The following SUMF1 variants were observed in gnomAD, a reference collection of about 807,000 sequenced individuals.
The protein encoded by SUMF1 is formylglycine-generating enzyme.
In SUMF1, 48 loss-of-function variants were observed where a neutral mutation model predicts 47.6. That is an observed-to-expected ratio of 1.01 (90% confidence interval 0.80 to 1.28). The LOEUF (loss-of-function observed/expected upper bound fraction) is 1.28. Ranked by LOEUF, SUMF1 falls within the 50% of genes most tolerant of loss-of-function variation. The pLI is 0.00. For synonymous variants in SUMF1, 230 were observed against 192.1 expected (o/e 1.20, Z -1.63); for missense variants, 571 against 485.4 (o/e 1.18, Z -1.66).
intron 8 of SUMF1, among the ~76,000 whole-genome samples, chr3:4,257,985 A>C (rs1294972579): frequency 6.6e-6 from 1 of 152,138 alleles, no homozygotes; most frequent in Non-Finnish European, 1.5e-5. Context: ...GATCTTTGAC[A>C]AACCTGACAA....
intron 8 of SUMF1, chr3:4,316,262 C>T (rs1224420743): frequency 1.2e-6 from 1 of 820,142 alleles, no homozygotes; most frequent in Admixed American, 2.0e-5. Flanking sequence ...TTTTCTTATT[C>T]GAGTTCAAAA....
intron 9 of SUMF1, among the ~76,000 whole-genome samples, chr3:4,044,231 G>T (rs966941432): frequency 6.6e-6 from 1 of 152,146 alleles, no homozygotes; most frequent in Non-Finnish European, 1.5e-5. Context: ...GGATTTCTGA[G>T]ACCCTTCCTC....
chr3:4,316,046 C>CAAAA (rs774059331), intron 8 of SUMF1, among the ~76,000 whole-genome samples: 3 of 76,882 alleles, frequency 3.9e-5, no homozygotes, highest in African/African-American at 4.4e-5. Flanking sequence ...GACTCTGTCT[C>CAAAA]AAAAAAAAAA....
chr3:4,380,897 G>A (rs1700483143), intron 7 of SUMF1, among the ~76,000 whole-genome samples: 1 of 152,172 alleles, frequency 6.6e-6, no homozygotes, highest in Non-Finnish European at 1.5e-5. Context: ...AAACACCTGG[G>A]AGGGCATGTA....
intron 8 of SUMF1, among the ~76,000 whole-genome samples, chr3:4,102,248 G>A (rs780594161): frequency 4.6e-5 from 7 of 152,162 alleles, no homozygotes; most frequent in Non-Finnish European, 8.8e-5. Context: ...GATTCTGAAA[G>A]ACCAGGAGGT....
At chr3:4,406,273 A>T (rs1701372759) in intron 7 of SUMF1, among the ~76,000 whole-genome samples, 1 of 152,240 alleles carries the variant, frequency 6.6e-6, no homozygotes, top group Non-Finnish European at 1.5e-5. Context: ...AAGGAAACTG[A>T]AGATATATTC....
chr3:4,161,232 C>T (rs1694569217), intron 8 of SUMF1, among the ~76,000 whole-genome samples: 1 of 152,166 alleles, frequency 6.6e-6, no homozygotes, highest in Non-Finnish European at 1.5e-5. Flanking sequence ...GTGACACAAG[C>T]ACCCCTGTGG....
chr3:4,065,501 T>C (rs1399443186), intron 9 of SUMF1, among the ~76,000 whole-genome samples: 3 of 152,178 alleles, frequency 2.0e-5, no homozygotes, highest in Non-Finnish European at 4.4e-5. Flanking sequence ...AATAATACTT[T>C]TAAGGTTCAG....
intron 8 of SUMF1, among the ~76,000 whole-genome samples, chr3:4,295,958 GAA>G (rs1162404466): frequency 6.6e-6 from 1 of 151,998 alleles, no homozygotes; most frequent in Non-Finnish European, 1.5e-5. Flanking sequence ...TTATTCTGCT[GAA>G]AACATATTTA....
At chr3:4,410,739 G>A (rs1460659253) in intron 7 of SUMF1, 126 bp downstream of exon 7, 2 of 865,988 alleles carry the variant, frequency 2.3e-6, no homozygotes, top group Non-Finnish European at 3.9e-6. Flanking sequence ...GTGCCTTTAG[G>A]GAAATCCCAA....
At chr3:4,243,954 CAT>C (rs1459987654) in intron 8 of SUMF1, among the ~76,000 whole-genome samples, 1 of 152,142 alleles carries the variant, frequency 6.6e-6, no homozygotes, top group African/African-American at 2.4e-5. Flanking sequence ...GTATTGGGTG[CAT>C]ATATATTTAG....
chr3:4,180,794 A>C (rs951279625), intron 8 of SUMF1, among the ~76,000 whole-genome samples: 2 of 150,500 alleles, frequency 1.3e-5, no homozygotes, highest in African/African-American at 4.9e-5. Context: ...TTGAGGTTAC[A>C]GTGAGCTGAG....
chr3:4,267,958 T>A (rs1697229913), intron 8 of SUMF1, among the ~76,000 whole-genome samples: 1 of 149,388 alleles, frequency 6.7e-6, no homozygotes, highest in Admixed American at 6.7e-5. Context: ...GTGGCACTAT[T>A]CACAATAGCA....
At chr3:4,076,121 T>C (rs576948418) in intron 8 of SUMF1, among the ~76,000 whole-genome samples, 2 of 152,240 alleles carry the variant, frequency 1.3e-5, no homozygotes, top group South Asian at 4.2e-4. Flanking sequence ...CAAAACAGCA[T>C]GGTACTGGTA....
chr3:4,058,253 A>G (rs1373459175), intron 9 of SUMF1, among the ~76,000 whole-genome samples: 1 of 152,168 alleles, frequency 6.6e-6, no homozygotes, highest in Non-Finnish European at 1.5e-5. Context: ...GCAGGTATAT[A>G]CACATATATT....
At chr3:4,465,846 G>T (rs182650579) in intron 1 of SUMF1, among the ~76,000 whole-genome samples, 1 of 152,170 alleles carries the variant, frequency 6.6e-6, no homozygotes, top group Non-Finnish European at 1.5e-5. Flanking sequence ...ACTGAGGCAG[G>T]ATACGGAAAT....
At chr3:4,348,382 C>T (rs1699416418) in intron 8 of SUMF1, among the ~76,000 whole-genome samples, 1 of 152,152 alleles carries the variant, frequency 6.6e-6, no homozygotes, top group Non-Finnish European at 1.5e-5. Flanking sequence ...CACACATCTA[C>T]AACCATCTGA....
chr3:4,251,752 G>C (rs1696807077), intron 8 of SUMF1, among the ~76,000 whole-genome samples: 1 of 152,268 alleles, frequency 6.6e-6, no homozygotes, highest in Admixed American at 6.5e-5. Context: ...TTGAAAATCT[G>C]TTGTTTAGTG....
intron 3 of SUMF1, among the ~76,000 whole-genome samples, chr3:4,447,926 AC>A (rs897669906): frequency 6.6e-6 from 1 of 152,154 alleles, no homozygotes; most frequent in Non-Finnish European, 1.5e-5. Flanking sequence ...AAGGCAAATT[AC>A]AAAAATAAGC....
Sources: gnomAD v4.1 joint callset for allele counts (sites outside exome capture counted in the v4.1 genomes callset) on GRCh38, gnomAD v4.1.1 for gene constraint, MANE v1.5 for transcripts, NCBI Gene and HGNC (gene_info 2026-07-23, HGNC 2026-07-21) for gene names.